The following SPEN variants were observed in gnomAD, a reference collection of about 807,000 sequenced individuals.
SPEN encodes msx2-interacting protein.
SPEN carries 18 observed loss-of-function variants against 269.9 expected under a neutral mutation model. The observed-to-expected ratio is 0.07, with a 90% CI of 0.05 to 0.10. The LOEUF (loss-of-function observed/expected upper bound fraction) is 0.10, where lower values mean the gene tolerates loss of function less well. Among genes scored for constraint, SPEN ranks in the 10% least tolerant of loss-of-function variants. The pLI, the probability that SPEN is intolerant of heterozygous loss-of-function variation, is 1.00. For missense variants in SPEN, 3,822 were observed against 4,631.2 expected, an observed-to-expected ratio of 0.83 and a Z score of 5.07; for synonymous variants, 1,726 against 1,765.7, an observed-to-expected ratio of 0.98 and a Z score of 0.56.
chr1:15,921,020 T>C (rs2071112804), intron 9 of SPEN, 37 bp downstream of exon 9: 1 of 1,390,432 alleles, frequency 7.2e-7, no homozygotes. Context: ...CAAAACAAAG[T>C]CCTATTCAAA....
At chr1:15,920,353 C>G (rs1432886757) in intron 8 of SPEN, among the ~76,000 whole-genome samples, 5 of 152,038 alleles carry the variant, frequency 3.3e-5, no homozygotes, top group Admixed American at 3.3e-4. Context: ...ACAGGCACTG[C>G]GCCTGGCAGA....
chr1:15,935,154 G>A lies in SPEN; in HGVS notation c.8914G>A (p.Val2972Ile), dbSNP rs2071261560. Residue 2972 changes from valine to isoleucine, a missense_variant, in exon 11 of 15, where the codon GTC becomes ATC. Physicochemically the swap from Val to Ile is conservative, Grantham distance 29 (BLOSUM62 3). This residue lies in a region of SPEN where 94 missense variants were observed against 90.4 expected (regional missense o/e 1.04). Transcript: ENST00000375759. The surrounding 1 kb of genome is among the most constrained non-coding windows in gnomAD (Gnocchi z 7.7). ...DPVTLKIETKVLQPANLGSTL... is the reference protein window; with the variant it reads ...DPVTLKIETKILQPANLGSTL... ...CGTCACCCTTAAAATCGAGACCAAG[G>A]TCCTTCAGCCGGCCAACCTGGGGTC... The A allele has an allele frequency of 6.2e-7, 1 of 1,613,844 alleles. No individual in the cohort carries two copies. The highest frequency in any genetic ancestry group is 8.5e-7 in the Non-Finnish European group (1 of 1,179,930).
intron 1 of SPEN, among the ~76,000 whole-genome samples, chr1:15,858,272 G>A (rs1207642794): frequency 2.0e-5 from 3 of 151,730 alleles, no homozygotes; most frequent in African/African-American, 7.3e-5. Flanking sequence ...AAAAGTTCAG[G>A]ATCAGACTAC....
chr1:15,922,244 TAAAGG>T lies in SPEN; in HGVS notation c.1750-4_1750del. On this transcript the variant is annotated splice_acceptor_variant and splice_polypyrimidine_tract_variant and coding_sequence_variant and intron_variant, in exon 10 of 15. Coordinates refer to ENST00000375759, the MANE Select transcript of SPEN (RefSeq NM_015001.3). LOFTEE classifies it high-confidence loss of function. ...TGCATCAAACACCTCTTTTTTTTTT[TAAAGG>T]TGGATTTTGCAAATCGGGAAAGTCA... is the stretch of plus-strand genomic sequence containing the variant. 2 of 1,578,468 alleles carry T rather than the reference TAAAGG, an allele frequency of 1.3e-6. No homozygotes were observed. Among genetic ancestry groups the T allele is most frequent in the Admixed American group, 3.8e-5 (2 of 52,110 alleles).
At chr1:15,861,566 C>T (rs1160156685) in intron 1 of SPEN, among the ~76,000 whole-genome samples, 1 of 152,134 alleles carries the variant, frequency 6.6e-6, no homozygotes, top group African/African-American at 2.4e-5. Flanking sequence ...TGATTTCCTT[C>T]TCAGCAGTTG....
intron 1 of SPEN, among the ~76,000 whole-genome samples, chr1:15,868,173 A>G (rs2148708664): frequency 6.6e-6 from 1 of 150,604 alleles, no homozygotes; most frequent in East Asian, 1.9e-4. Context: ...TTATTTATTT[A>G]TATACATATA....
At position 15,930,498 on chromosome 1, in the gene SPEN, G is replaced by A. The variant is rs1056490999; in HGVS notation, c.4258G>A (p.Glu1420Lys). The part of the protein sequence containing the change: ...DREDKLRERD[E>K]RLSSSLERNK... ...AGAAGACAAGCTACGTGAGCGAGAT[G>A]AAAGACTCTCTAGTTCTTTAGAAAG... Residue 1420 changes from glutamate to lysine, a missense_variant, in exon 11 of 15, where the codon GAA (glutamate) becomes AAA (lysine). Around this residue, in one of 16 missense-constraint regions of SPEN, gnomAD observed 267 missense variants for 315.5 expected, o/e 0.85. Coordinates refer to ENST00000375759, the MANE Select transcript of SPEN (RefSeq NM_015001.3). This position sits in a 1 kb window ranked among gnomAD's most constrained non-coding sequence, Gnocchi z 5.3. 8 of 1,614,026 alleles carry A rather than the reference G, an allele frequency of 5.0e-6. No individual in the cohort carries two copies. The highest frequency in any genetic ancestry group is 5.9e-6 in the Non-Finnish European group (7 of 1,180,034).
At chr1:15,890,655 C>G (rs1024844044) in intron 3 of SPEN, among the ~76,000 whole-genome samples, 2 of 151,364 alleles carry the variant, frequency 1.3e-5, no homozygotes, top group Non-Finnish European at 2.9e-5. Flanking sequence ...TAAAATTCAC[C>G]CATTTAAGTG....
At chr1:15,859,855 A>T (rs1372433506) in intron 1 of SPEN, among the ~76,000 whole-genome samples, 1 of 146,048 alleles carries the variant, frequency 6.8e-6, no homozygotes, top group African/African-American at 2.5e-5. Flanking sequence ...TAAAATGTTG[A>T]CTGGAGAGGC....
rs2148738566 is a variant in SPEN at position 15,929,313 on chromosome 1, A to G, written c.3073A>G (p.Arg1025Gly). 1 of 1,614,152 alleles carries G rather than the reference A, an allele frequency of 6.2e-7. No homozygotes were observed. Among genetic ancestry groups the G allele is most frequent in the Non-Finnish European group, 8.5e-7 (1 of 1,180,014 alleles). ...LSKKQPDVSS[R>G]EVILLREGEA... ...AAAAAAGCAGCCTGACGTGTCCTCT[A>G]GAGAGGTCATTCTGCTGAGGGAAGG... Residue 1025 changes from arginine to glycine, a missense_variant, in exon 11 of 15, where the codon AGA becomes GGA. Arg to Gly is a moderately radical substitution (Grantham distance 125, BLOSUM62 -2). Around this residue, in one of 16 missense-constraint regions of SPEN, gnomAD observed 572 missense variants for 582.6 expected, o/e 0.98. Transcript: ENST00000375759. The surrounding 1 kb of genome is among the most constrained non-coding windows in gnomAD (Gnocchi z 5.8).
chr1:15,864,969 G>A (rs1311149829), intron 1 of SPEN, among the ~76,000 whole-genome samples: 1 of 152,016 alleles, frequency 6.6e-6, no homozygotes, highest in Admixed American at 6.6e-5. Flanking sequence ...CCAAAGTGGT[G>A]GGATTATAGA....
rs139398031 is a variant in SPEN at position 15,929,398 on chromosome 1, A to C, written c.3158A>C (p.Lys1053Thr). The C allele has an allele frequency of 6.2e-7, 1 of 1,613,274 alleles. No individual in the cohort carries two copies. Among genetic ancestry groups the C allele is most frequent in the Non-Finnish European group, 8.5e-7 (1 of 1,179,812 alleles). Residue 1053 changes from lysine (K) to threonine (T), a missense_variant, in exon 11 of 15, where the codon AAA becomes ACA. This residue lies in a region of SPEN where 572 missense variants were observed against 582.6 expected (regional missense o/e 0.98). Coordinates refer to ENST00000375759, the MANE Select transcript of SPEN (RefSeq NM_015001.3). This position sits in a 1 kb window ranked among gnomAD's most constrained non-coding sequence, Gnocchi z 5.8. ...CTTAAAAGAGAATCTAAAAAAATCA[A>C]ACTGGACAGACTTAATACTGTTGCC... is the stretch of plus-strand genomic sequence containing the variant. The part of the protein sequence containing the change: ...EILKRESKKI[K>T]LDRLNTVASP...
Position 15,876,270 on chromosome 1 carries a change from G to A in SPEN, c.473G>A (p.Gly158Glu), listed in dbSNP as rs541571514. 3 of 1,613,930 alleles carry A rather than the reference G, an allele frequency of 1.9e-6. No homozygotes were observed. The African/African-American group carries it at 4.0e-5, about 22-fold the overall frequency. The change falls in exon 3 of 15, where the codon GGA becomes GAA. Residue 158 changes from glycine (G) to glutamate (E), a missense_variant. By Grantham distance (98) the Gly-to-Glu change is moderately conservative. Around this residue, in one of 16 missense-constraint regions of SPEN, gnomAD observed 327 missense variants for 350.8 expected, o/e 0.93. Coordinates refer to ENST00000375759, the MANE Select transcript of SPEN (RefSeq NM_015001.3). ...GGACACCATGAACGGGGGACGGGAG[G>A]ATTTGATCGGACAAGACATTACGAT... ...AYGHHERGTGGFDRTRHYDQD... is the reference protein window; with the variant it reads ...AYGHHERGTGEFDRTRHYDQD...
Position 15,876,501 on chromosome 1 carries a change from G to A in SPEN, c.704G>A (p.Arg235Gln), listed in dbSNP as rs747427891. 25 of 1,613,986 alleles carry A rather than the reference G, an allele frequency of 1.5e-5. No homozygotes were observed. Among genetic ancestry groups the A allele is most frequent in the Non-Finnish European group, 2.0e-5 (24 of 1,180,026 alleles). Residue 235 changes from arginine to glutamine, a missense_variant, in exon 3 of 15, where the codon CGG (arginine) becomes CAG (glutamine). Around this residue, in one of 16 missense-constraint regions of SPEN, gnomAD observed 327 missense variants for 350.8 expected, o/e 0.93. Transcript: ENST00000375759. ...GAGGTACGAGGCAGAAGGCCAGAGC[G>A]GAATTACCAGCACAGCAGGAGTCGG... ...TREVRGRRPE[R>Q]NYQHSRSRSP...
At chr1:15,891,659 G>GT (rs753967160) in intron 3 of SPEN, among the ~76,000 whole-genome samples, 2 of 151,606 alleles carry the variant, frequency 1.3e-5, no homozygotes, top group Non-Finnish European at 2.9e-5. Flanking sequence ...CTTGTTTTTT[G>GT]TTTTTTGTTT....
Position 15,933,727 on chromosome 1 carries a change from C to T in SPEN, c.7487C>T (p.Thr2496Ile). ...GGGATCCCACACCAGAGCCCCCCTA[C>T]TAAGGTGACAGAGTGGATCACAAGG... is the stretch of plus-strand genomic sequence containing the variant. The part of the protein sequence containing the change: ...SGGIPHQSPP[T>I]KVTEWITRQE... The change falls in exon 11 of 15, where the codon ACT becomes ATT. Residue 2496 changes from threonine (T) to isoleucine (I), a missense_variant. By Grantham distance (89) the Thr-to-Ile change is moderately conservative (BLOSUM62 -1). This residue lies in a region of SPEN where 727 missense variants were observed against 737.9 expected (regional missense o/e 0.99). Transcript: ENST00000375759. The surrounding 1 kb of genome is among the most constrained non-coding windows in gnomAD (Gnocchi z 5.7). The T allele has an allele frequency of 6.2e-7, 1 of 1,614,176 alleles. No homozygotes were observed. Among genetic ancestry groups the T allele is most frequent in the Non-Finnish European group, 8.5e-7 (1 of 1,180,012 alleles).
Position 15,932,029 on chromosome 1 carries a change from C to G in SPEN, c.5789C>G (p.Thr1930Ser), listed in dbSNP as rs867682035. The change falls in exon 11 of 15, where the codon ACC becomes AGC. Residue 1930 changes from threonine to serine, a missense_variant. Physicochemically the swap from Thr to Ser is moderately conservative, Grantham distance 58. Around this residue, in one of 16 missense-constraint regions of SPEN, gnomAD observed 533 missense variants for 618.8 expected, o/e 0.86. Transcript: ENST00000375759. The surrounding 1 kb of genome is among the most constrained non-coding windows in gnomAD (Gnocchi z 4.2). ...GAGCCCGTTGAGCAACCAAGAGTGA[C>G]CAGAAAGAGATTGGAGCGAGAGCTT... ...VKEPVEQPRVTRKRLERELQE... is the reference protein window; with the variant it reads ...VKEPVEQPRVSRKRLERELQE... 3.7e-6 allele frequency: 6 copies of G among 1,614,046 alleles called. No homozygotes were observed. The highest frequency in any genetic ancestry group is 1.3e-5 in the African/African-American group (1 of 74,904).
At chr1:15,909,062 AG>A (rs995218983) in intron 3 of SPEN, among the ~76,000 whole-genome samples, 16 of 152,208 alleles carry the variant, frequency 1.1e-4, no homozygotes, top group African/African-American at 3.6e-4. Context: ...GAAAAAAAAA[AG>A]TTCAAGTTAT....
In SPEN at chr1:15,904,452, CAAAAAAAAAA is replaced by C. The variant is rs1215369183; in HGVS notation, c.882-4853_882-4844del. ...GGGCAATAAGAGCGAAACTCCATCT[CAAAAAAAAAA>C]AAAAAAAAAAAAAAAGTGAACTAAA... On this transcript the variant is annotated intron_variant, in intron 3 of 14. Transcript: ENST00000375759. Among the ~76,000 whole-genome samples the C allele has an allele frequency of 1.7e-3, 85 of 48,634 alleles. 2 individuals carry two copies. The highest frequency in any genetic ancestry group is 4.5e-3 in the African/African-American group (76 of 16,812). The allele number at this position is 48,634 out of a possible 152,430, so 31.9% of individuals were successfully genotyped here. A position where few individuals can be genotyped will look rare whatever the true frequency, so the allele number is the denominator to read the frequency against.
Sources: gnomAD v4.1 joint callset for allele counts (sites outside exome capture counted in the v4.1 genomes callset) on GRCh38, gnomAD v4.1.1 for gene constraint, gnomAD v4.1.1 regional missense constraint, Gnocchi (gnomAD v3.1) non-coding constraint, MANE v1.5 for transcripts, NCBI Gene and HGNC (gene_info 2026-07-23, HGNC 2026-07-21) for gene names.